Variants in CACNA2D1 observed in about 807,000 individuals in gnomAD.
CACNA2D1 encodes voltage-dependent calcium channel subunit alpha-2/delta-1.
CACNA2D1 carries 53 observed loss-of-function variants against 171.5 expected under a neutral mutation model. That is an observed-to-expected ratio of 0.31 (90% CI 0.25 to 0.39). The LOEUF (loss-of-function observed/expected upper bound fraction) is 0.39, where lower values mean the gene tolerates loss of function less well. CACNA2D1 is among the 10% of genes least tolerant of loss of function. The pLI is 1.00. For missense variants in CACNA2D1, 903 were observed against 1,299.8 expected (o/e 0.69, Z 4.69); for synonymous variants, 442 against 443.1 (o/e 1.00, Z 0.03).
chr7:82,089,185 T>A (rs1307875416), intron 6 of CACNA2D1, among the ~76,000 whole-genome samples: 1 of 152,194 alleles, frequency 6.6e-6, no homozygotes, highest in Non-Finnish European at 1.5e-5. Context: ...ATGTTTTACA[T>A]TCACATATAC....
intron 11 of CACNA2D1, among the ~76,000 whole-genome samples, chr7:82,035,195 T>A (rs544953600): frequency 7.7e-4 from 117 of 152,204 alleles, no homozygotes; most frequent in African/African-American, 2.7e-3. Flanking sequence ...TATATAAAGT[T>A]TTTTTGAAAA....
chr7:82,060,164 TAATATATATATATAA>T lies in CACNA2D1; in HGVS notation c.879+249_879+263del, dbSNP rs1562980889. ...ATTATATATATGTATTATATATATATAATATATATATATAATATATATATATTATATATATATTAT... is the reference window on the plus strand; with the variant it reads ...ATTATATATATGTATTATATATATATTATATATATATTATATATATATTAT... On this transcript the variant is annotated intron_variant, in intron 10 of 38. Coordinates refer to ENST00000356860, the MANE Select transcript of CACNA2D1 (RefSeq NM_000722.4). Among the ~76,000 whole-genome samples the T allele has an allele frequency of 1.0e-3, 21 of 20,944 alleles. 2 individuals are homozygous for T. Among genetic ancestry groups the T allele is most frequent in the Admixed American group, 4.3e-3 (4 of 938 alleles). 13.7% of individuals were successfully genotyped at this position (20,944 alleles called of 152,430 possible).
In CACNA2D1 at chr7:82,380,861, A is replaced by AT. The variant is rs570639924; in HGVS notation, c.96-31213dup. ...AGGCGCATGCCACCACACCCGGCTA[A>AT]TTTTTTTATTTTTAGTCAAGACGAG... is the stretch of plus-strand genomic sequence containing the variant. On this transcript the variant is annotated intron_variant, in intron 1 of 38. Coordinates refer to ENST00000356860, the MANE Select transcript of CACNA2D1 (RefSeq NM_000722.4). Among the ~76,000 whole-genome samples, 869 of 151,840 alleles carry AT rather than the reference A, an allele frequency of 5.7e-3. 6 individuals are homozygous for AT. Among genetic ancestry groups the AT allele is most frequent in the African/African-American group, 0.02 (836 of 41,460 alleles).
intron 3 of CACNA2D1, among the ~76,000 whole-genome samples, chr7:82,208,730 C>T (rs911965392): frequency 1.3e-5 from 2 of 152,016 alleles, no homozygotes; most frequent in African/African-American, 2.4e-5. Flanking sequence ...CAGTACACAA[C>T]GTTTTAGTAT....
intron 3 of CACNA2D1, among the ~76,000 whole-genome samples, chr7:82,208,106 T>C (rs573834277): frequency 4.7e-4 from 71 of 152,286 alleles, no homozygotes; most frequent in African/African-American, 1.6e-3. Flanking sequence ...GCTTCTATAA[T>C]ATAGTGACAG....
chr7:82,104,080 C>T (rs1177377193), intron 6 of CACNA2D1, among the ~76,000 whole-genome samples: 1 of 151,890 alleles, frequency 6.6e-6, no homozygotes, highest in Non-Finnish European at 1.5e-5. Context: ...ATTTAGAATA[C>T]TGTAATATTT....
At chr7:82,379,470 T>C (rs1308537948) in intron 1 of CACNA2D1, among the ~76,000 whole-genome samples, 1 of 152,218 alleles carries the variant, frequency 6.6e-6, no homozygotes, top group African/African-American at 2.4e-5. Context: ...CTTGTAACAA[T>C]TTATGAACTA....
chr7:82,416,560 G>A (rs1828188008), intron 1 of CACNA2D1, among the ~76,000 whole-genome samples: 1 of 152,100 alleles, frequency 6.6e-6, no homozygotes, highest in African/African-American at 2.4e-5. Context: ...CTTGCTACTA[G>A]TAATTCTTTG....
At chr7:81,985,791 G>A (rs1324122039) in intron 21 of CACNA2D1, among the ~76,000 whole-genome samples, 4 of 152,084 alleles carry the variant, frequency 2.6e-5, no homozygotes, top group Non-Finnish European at 5.9e-5. Flanking sequence ...GAGCCACGGC[G>A]CTACTCTAGT....
intron 3 of CACNA2D1, among the ~76,000 whole-genome samples, chr7:82,208,092 T>C (rs1800193359): frequency 6.6e-6 from 1 of 152,146 alleles, no homozygotes; most frequent in African/African-American, 2.4e-5. Flanking sequence ...ATACAAAGAA[T>C]GGTGCTTCTA....
In CACNA2D1 at chr7:82,019,034, A is replaced by T. The variant is rs143375600; in HGVS notation, c.1144-4555T>A. Among the ~76,000 whole-genome samples the T allele has an allele frequency of 2.0e-3, 298 of 151,738 alleles. 2 individuals carry two copies. In the East Asian group the frequency reaches 0.031, roughly 16 times the overall value. On this transcript the variant is annotated intron_variant, in intron 12 of 38. Coordinates refer to ENST00000356860, the MANE Select transcript of CACNA2D1 (RefSeq NM_000722.4). ...ATGGGGTAATTAACTTAAAAATTAA[A>T]TTCGTGGACAGGTGCAGTGGCTCAT...
chr7:82,287,224 G>T (rs951255278), intron 3 of CACNA2D1, among the ~76,000 whole-genome samples: 1 of 151,298 alleles, frequency 6.6e-6, no homozygotes, highest in Admixed American at 6.6e-5. Context: ...TTAGCATGTG[G>T]TAAATCTAGC....
intron 1 of CACNA2D1, among the ~76,000 whole-genome samples, chr7:82,383,483 T>A (rs1165881447): frequency 6.6e-6 from 1 of 152,194 alleles, no homozygotes; most frequent in African/African-American, 2.4e-5. Context: ...GAAAAGGGAA[T>A]CACAGAAGAA....
At chr7:81,956,898 T>C (rs939600040) in intron 38 of CACNA2D1, among the ~76,000 whole-genome samples, 38 of 152,124 alleles carry the variant, frequency 2.5e-4, no homozygotes, top group African/African-American at 8.0e-4. Flanking sequence ...TTTAGTAGTA[T>C]TGAATAGAGA....
intron 1 of CACNA2D1, among the ~76,000 whole-genome samples, chr7:82,359,607 A>C (rs1469897173): frequency 6.6e-6 from 1 of 152,108 alleles, no homozygotes; most frequent in African/African-American, 2.4e-5. Flanking sequence ...ACTGAAAATC[A>C]CCCAAGTCTG....
intron 5 of CACNA2D1, among the ~76,000 whole-genome samples, chr7:82,128,194 T>C (rs1221672831): frequency 6.6e-6 from 1 of 151,770 alleles, no homozygotes; most frequent in Non-Finnish European, 1.5e-5. Flanking sequence ...CCTCCTGAAG[T>C]GCTGGGATTA....
At chr7:82,000,302 G>T in intron 18 of CACNA2D1, among the ~76,000 whole-genome samples, 1 of 151,942 alleles carries the variant, frequency 6.6e-6, no homozygotes, top group East Asian at 1.9e-4. Flanking sequence ...AAACTATGTA[G>T]AGGCCTGGTC....
At chr7:82,236,750 G>A (rs189603050) in intron 3 of CACNA2D1, among the ~76,000 whole-genome samples, 13 of 152,004 alleles carry the variant, frequency 8.6e-5, no homozygotes, top group Non-Finnish European at 2.9e-5. Flanking sequence ...TATAACAAAA[G>A]TAGAAGAAAA....
intron 3 of CACNA2D1, among the ~76,000 whole-genome samples, chr7:82,252,723 C>G (rs1805800967): frequency 6.6e-6 from 1 of 151,982 alleles, no homozygotes; most frequent in Non-Finnish European, 1.5e-5. Flanking sequence ...AACCCTGTCT[C>G]TACTAAAAAT....
Sources: gnomAD v4.1 joint callset for allele counts (sites outside exome capture counted in the v4.1 genomes callset) on GRCh38, gnomAD v4.1.1 for gene constraint, MANE v1.5 for transcripts, NCBI Gene and HGNC (gene_info 2026-07-23, HGNC 2026-07-21) for gene names.